The following PDZRN4 variants were observed in gnomAD, a reference collection of about 807,000 sequenced individuals.
The protein encoded by PDZRN4 is PDZ domain containing ring finger 4, also known as PDZ domain-containing RING finger protein 4.
In PDZRN4, 70 loss-of-function variants were observed where a neutral mutation model predicts 99.0. The observed-to-expected ratio is 0.71, with a 90% CI of 0.58 to 0.86. The LOEUF (loss-of-function observed/expected upper bound fraction) is 0.86. Among genes scored for constraint, PDZRN4 ranks in the 40% least tolerant of loss-of-function variants. The pLI, the probability that PDZRN4 is intolerant of heterozygous loss-of-function variation, is 0.00. For missense variants in PDZRN4, 1,474 were observed against 1,331.2 expected (o/e 1.11, Z -1.67); for synonymous variants, 551 against 501.6 (o/e 1.10, Z -1.32).
At position 41,188,844 on chromosome 12, in the gene PDZRN4, G is replaced by T. The variant is rs1346306756; in HGVS notation, c.389G>T (p.Arg130Leu). ...CTGGGCGGTGGTGAGGTGCCCGCGC[G>T]GGGGGGCTGCGGTCCGACACCCAGG... ...SGLGGGEVPA[R>L]GGCGPTPRAG... Residue 130 changes from arginine (R) to leucine (L), a missense_variant, in exon 1 of 10, where the codon CGG becomes CTG. Arg to Leu is a moderately radical substitution (Grantham distance 102, BLOSUM62 -2). Coordinates refer to ENST00000402685, the MANE Select transcript of PDZRN4 (RefSeq NM_001164595.2). The T allele has an allele frequency of 7.9e-7, 1 of 1,263,392 alleles. No individual in the cohort carries two copies. Among genetic ancestry groups the T allele is most frequent in the South Asian group, 2.7e-5 (1 of 37,492 alleles). The allele number at this position is 1,263,392 out of a possible 1,614,324, so 78.3% of individuals were successfully genotyped here.
At chr12:41,566,747 T>C (rs544363967) in intron 8 of PDZRN4, among the ~76,000 whole-genome samples, 15 of 152,344 alleles carry the variant, frequency 9.8e-5, no homozygotes, top group African/African-American at 3.4e-4. Flanking sequence ...AAAGCTTATT[T>C]TGCCAGTTCA....
At chr12:41,378,663 C>T (rs1331085697) in intron 3 of PDZRN4, among the ~76,000 whole-genome samples, 1 of 151,868 alleles carries the variant, frequency 6.6e-6, no homozygotes, top group Non-Finnish European at 1.5e-5. Flanking sequence ...GCTGGGATTA[C>T]AGGTGCATGC....
chr12:41,360,156 C>T (rs758901389), intron 3 of PDZRN4, among the ~76,000 whole-genome samples: 1 of 151,916 alleles, frequency 6.6e-6, no homozygotes, highest in African/African-American at 2.4e-5. Flanking sequence ...TGTACTCCTC[C>T]ATAATACCTA....
chr12:41,572,795 A>C lies in PDZRN4; in HGVS notation c.2016A>C (p.Glu672Asp). 6.2e-7 allele frequency: 1 copy of C among 1,614,184 alleles called. No individual in the cohort carries two copies. The highest frequency in any genetic ancestry group is 8.5e-7 in the Non-Finnish European group (1 of 1,180,022). ...ATGAGCTACAGTTGCTTAATGAAGA[A>C]CTGAGAAACATTGAGCTTGAGTGTC... The part of the protein sequence containing the change: ...VEHELQLLNE[E>D]LRNIELECQN... Residue 672 changes from glutamate to aspartate, a missense_variant, in exon 10 of 10, where the codon GAA (glutamate) becomes GAC (aspartate). Coordinates refer to ENST00000402685, the MANE Select transcript of PDZRN4 (RefSeq NM_001164595.2).
Position 41,572,935 on chromosome 12 carries a change from G to A in PDZRN4, c.2156G>A (p.Gly719Glu), listed in dbSNP as rs954149029. ...NYNTSIDMQR[G>E]KLDDIMEHPE... is the part of the protein sequence containing the mutation. ...AACACCAGCATAGATATGCAAAGGG[G>A]AAAGCTAGATGACATCATGGAGCAT... Residue 719 changes from glycine to glutamate, a missense_variant, in exon 10 of 10, where the codon GGA (glycine) becomes GAA (glutamate). Physicochemically the swap from Gly to Glu is moderately conservative, Grantham distance 98. Transcript: ENST00000402685. 9.3e-6 allele frequency: 15 copies of A among 1,614,024 alleles called. No homozygotes were observed. The highest frequency in any genetic ancestry group is 6.7e-5 in the African/African-American group (5 of 74,930).
chr12:41,255,489 G>A (rs1951198212), intron 3 of PDZRN4, among the ~76,000 whole-genome samples: 1 of 151,894 alleles, frequency 6.6e-6, no homozygotes, highest in African/African-American at 2.4e-5. Flanking sequence ...GTTTTAAGTA[G>A]GGAAGTAAAA....
chr12:41,432,355 T>A (rs576421201), intron 3 of PDZRN4, among the ~76,000 whole-genome samples: 2 of 152,370 alleles, frequency 1.3e-5, no homozygotes, highest in Non-Finnish European at 2.9e-5. Context: ...AACTTAATAT[T>A]CTTGAATACT....
intron 3 of PDZRN4, among the ~76,000 whole-genome samples, chr12:41,354,678 A>C (rs1035881576): frequency 6.6e-6 from 1 of 152,072 alleles, no homozygotes; most frequent in East Asian, 1.9e-4. Context: ...GAAGGCTATC[A>C]TAAGAAGCAG....
At chr12:41,392,631 A>G (rs1378166614) in intron 3 of PDZRN4, among the ~76,000 whole-genome samples, 1 of 152,196 alleles carries the variant, frequency 6.6e-6, no homozygotes, top group Admixed American at 6.5e-5. Flanking sequence ...GCCAGAAGTT[A>G]TTAATAAAGT....
chr12:41,210,240 G>A (rs1019028772), intron 3 of PDZRN4, among the ~76,000 whole-genome samples: 21 of 152,082 alleles, frequency 1.4e-4, no homozygotes, highest in African/African-American at 4.3e-4. Flanking sequence ...GTAGATTCTG[G>A]ATATTAGCCC....
chr12:41,191,261 G>A (rs1950733625), intron 1 of PDZRN4, among the ~76,000 whole-genome samples, 197 bp from the exon 2 acceptor site: 1 of 152,146 alleles, frequency 6.6e-6, no homozygotes. Context: ...CACATGCACA[G>A]TTGTTCTTTT....
chr12:41,501,670 G>T (rs1938111707), intron 3 of PDZRN4, among the ~76,000 whole-genome samples: 2 of 152,076 alleles, frequency 1.3e-5, no homozygotes, highest in African/African-American at 4.8e-5. Flanking sequence ...ATCCACTTAA[G>T]ATTATGCTAT....
chr12:41,476,802 T>A (rs1325421855), intron 3 of PDZRN4, among the ~76,000 whole-genome samples: 1 of 152,180 alleles, frequency 6.6e-6, no homozygotes, highest in Non-Finnish European at 1.5e-5. Flanking sequence ...CGATCTCCAA[T>A]TAAGCATCTG....
intron 5 of PDZRN4, among the ~76,000 whole-genome samples, chr12:41,533,630 G>T (rs908171793): frequency 6.6e-6 from 1 of 152,014 alleles, no homozygotes; most frequent in Non-Finnish European, 1.5e-5. Flanking sequence ...TTTCTGAATT[G>T]TGTTTTAGAT....
chr12:41,236,460 G>A (rs1039104073), intron 3 of PDZRN4, among the ~76,000 whole-genome samples: 5 of 152,084 alleles, frequency 3.3e-5, no homozygotes, highest in Non-Finnish European at 5.9e-5. Flanking sequence ...GAGAGCCTTG[G>A]GTGTCATGTT....
intron 3 of PDZRN4, among the ~76,000 whole-genome samples, chr12:41,210,878 G>T (rs1165238212): frequency 1.3e-5 from 2 of 150,648 alleles, no homozygotes; most frequent in Non-Finnish European, 1.5e-5. Flanking sequence ...TTTACCAAAA[G>T]ACACTAAAGT....
Position 41,552,871 on chromosome 12 carries a change from C to T in PDZRN4, c.1302+117C>T, listed in dbSNP as rs112169642. 8.6e-4 allele frequency: 617 copies of T among 719,660 alleles called. 7 individuals are homozygous for T. The African/African-American group carries it at 9.5e-3, about 11-fold the overall frequency. 44.6% of individuals were successfully genotyped at this position (719,660 alleles called of 1,614,324 possible). ...CTTGAATGTGAAGAATTGGAGTTGG[C>T]CATGTTCCAAAACGTGTCACCTTCA... On this transcript the variant is annotated intron_variant, in intron 6 of 9. Coordinates refer to ENST00000402685, the MANE Select transcript of PDZRN4 (RefSeq NM_001164595.2).
In PDZRN4 at chr12:41,555,720, C is replaced by A. The variant is rs61760974; in HGVS notation, c.1325C>A (p.Ala442Asp). Reference sequence around the variant, plus strand: ...CAGGTTGACCCAAATAGCATTGCTGCCAAAGACGGCCGGATTCGAGAAGGG... The same window carrying A: ...CAGGTTGACCCAAATAGCATTGCTGACAAAGACGGCCGGATTCGAGAAGGG... ...VSEVDPNSIA[A>D]KDGRIREGDR... Residue 442 changes from alanine (A) to aspartate (D), a missense_variant, in exon 7 of 10, where the codon GCC (alanine) becomes GAC (aspartate). Physicochemically the swap from Ala to Asp is moderately radical, Grantham distance 126 (BLOSUM62 -2). Coordinates refer to ENST00000402685, the MANE Select transcript of PDZRN4 (RefSeq NM_001164595.2). 102 of 1,613,940 alleles carry A rather than the reference C, an allele frequency of 6.3e-5. No homozygotes were observed. In the African/African-American group the frequency reaches 1.2e-3, roughly 19 times the overall value.
At chr12:41,195,604 CA>C (rs1003993346) in intron 3 of PDZRN4, among the ~76,000 whole-genome samples, 39 of 146,454 alleles carry the variant, frequency 2.7e-4, no homozygotes, top group Middle Eastern at 3.5e-3. Context: ...TATCTTTTGC[CA>C]AAAAAAAAAC....
Sources: allele counts gnomAD v4.1 joint callset (sites outside exome capture counted in the v4.1 genomes callset), GRCh38; gene constraint gnomAD v4.1.1; transcripts MANE v1.5; gene names NCBI Gene and HGNC (gene_info 2026-07-23, HGNC 2026-07-21).